Variants in CALN1 observed in about 807,000 individuals in gnomAD.
CALN1 encodes calneuron 1.
A neutral mutation model predicts 30.6 loss-of-function variants in CALN1; 17 were observed. The ratio of observed to expected loss-of-function variants is 0.56; its 90% CI spans 0.38 to 0.83. CALN1 has a LOEUF of 0.83. Among genes scored for constraint, CALN1 ranks in the 40% least tolerant of loss-of-function variants. CALN1 has a pLI of 0.00. For missense variants in CALN1, 291 were observed against 354.9 expected, an observed-to-expected ratio of 0.82 and a Z score of 1.45; for synonymous variants, 156 against 131.4, an observed-to-expected ratio of 1.19 and a Z score of -1.28.
chr7:72,284,390 C>T (rs1797935123), intron 2 of CALN1, among the ~76,000 whole-genome samples: 1 of 152,214 alleles, frequency 6.6e-6, no homozygotes, highest in Admixed American at 6.5e-5. Flanking sequence ...GTCAACTTGA[C>T]TGGGCCATGG....
At chr7:72,475,921 C>G in the CALN1 span, among the ~76,000 whole-genome samples, 3 of 144,822 alleles carry the variant, frequency 2.1e-5, no homozygotes, top group Admixed American at 2.1e-4. Context: ...TGAACATGCT[C>G]TCTCTCTCCC....
intron 3 of CALN1, among the ~76,000 whole-genome samples, chr7:72,239,127 T>C (rs1001424423): frequency 1.3e-5 from 2 of 152,148 alleles, no homozygotes; most frequent in South Asian, 4.2e-4. Context: ...CTGGGAAAAG[T>C]GGCTCATGCC....
At chr7:72,007,126 G>A (rs1799812547) in intron 5 of CALN1, among the ~76,000 whole-genome samples, 1 of 152,164 alleles carries the variant, frequency 6.6e-6, no homozygotes, top group Non-Finnish European at 1.5e-5. Flanking sequence ...GACCAGGACT[G>A]TTCGGAATAA....
intron 3 of CALN1, among the ~76,000 whole-genome samples, chr7:72,254,231 T>A (rs566924760): frequency 6.6e-6 from 1 of 152,244 alleles, no homozygotes; most frequent in Non-Finnish European, 1.5e-5. Context: ...AAGTCTTTCC[T>A]GTTGGATTTC....
At chr7:72,413,201 T>TCACA (rs59261666), upstream of CALN1, among the ~76,000 whole-genome samples, 8,532 of 151,154 alleles carry the variant, frequency 0.056, 269 homozygotes, top group African/African-American at 0.093. Flanking sequence ...GCCCACCCAC[T>TCACA]CACACACACA....
intron 3 of CALN1, among the ~76,000 whole-genome samples, chr7:72,182,633 T>C (rs1353922038): frequency 6.6e-6 from 1 of 151,742 alleles, no homozygotes; most frequent in Non-Finnish European, 1.5e-5. Context: ...GGCGGGAGAA[T>C]GGCTTGAACC....
At chr7:72,078,718 C>T (rs1804917486) in intron 4 of CALN1, among the ~76,000 whole-genome samples, 1 of 152,110 alleles carries the variant, frequency 6.6e-6, no homozygotes, top group South Asian at 2.1e-4. Flanking sequence ...GGCAGACCAC[C>T]TGAGGTCAGG....
At chr7:71,929,501 T>C (rs1308898195) in intron 5 of CALN1, among the ~76,000 whole-genome samples, 1 of 152,244 alleles carries the variant, frequency 6.6e-6, no homozygotes, top group Non-Finnish European at 1.5e-5. Flanking sequence ...TATTCCATGG[T>C]GTATATGTAC....
chr7:72,105,670 T>C (rs1368728805), intron 4 of CALN1, among the ~76,000 whole-genome samples: 1 of 151,134 alleles, frequency 6.6e-6, no homozygotes, highest in Non-Finnish European at 1.5e-5. Context: ...AATTGTGCAC[T>C]TTAAATGTGT....
At chr7:72,149,741 CA>C (rs1787072739) in intron 3 of CALN1, among the ~76,000 whole-genome samples, 1 of 152,076 alleles carries the variant, frequency 6.6e-6, no homozygotes, top group African/African-American at 2.4e-5. Flanking sequence ...TTCTCTTTTG[CA>C]AAAACTCATT....
chr7:72,091,177 A>G (rs1483321252), intron 4 of CALN1, among the ~76,000 whole-genome samples: 1 of 152,106 alleles, frequency 6.6e-6, no homozygotes, highest in East Asian at 1.9e-4. Context: ...AAAAATACAA[A>G]AAAAATTAGC....
At chr7:71,899,785 T>C (rs1034006344) in intron 5 of CALN1, among the ~76,000 whole-genome samples, 5 of 152,156 alleles carry the variant, frequency 3.3e-5, no homozygotes, top group African/African-American at 1.2e-4. Context: ...AATGTCACCA[T>C]ATGGATGCAT....
chr7:72,324,929 G>C (rs1051107806), intron 2 of CALN1, among the ~76,000 whole-genome samples: 2 of 152,164 alleles, frequency 1.3e-5, no homozygotes, highest in Non-Finnish European at 2.9e-5. Context: ...GTTCCAGGGA[G>C]TTCTGTGCTG....
intron 5 of CALN1, among the ~76,000 whole-genome samples, chr7:71,905,631 T>C (rs1794092594): frequency 6.6e-6 from 1 of 152,022 alleles, no homozygotes; most frequent in African/African-American, 2.4e-5. Flanking sequence ...ACATACGCAC[T>C]CCATAGAGTG....
At chr7:72,159,279 T>C (rs895203003) in intron 3 of CALN1, among the ~76,000 whole-genome samples, 1 of 152,176 alleles carries the variant, frequency 6.6e-6, no homozygotes, top group Non-Finnish European at 1.5e-5. Context: ...GCTAGGACAC[T>C]TGTGGTAGAG....
At chr7:72,411,770 A>G (rs1807166776) in intron 1 of CALN1, among the ~76,000 whole-genome samples, 1 of 152,118 alleles carries the variant, frequency 6.6e-6, no homozygotes, top group Non-Finnish European at 1.5e-5. Flanking sequence ...CATGAATGTA[A>G]TTGCTAAGGA....
At chr7:72,068,803 G>T (rs1804199519) in intron 4 of CALN1, among the ~76,000 whole-genome samples, 1 of 152,054 alleles carries the variant, frequency 6.6e-6, no homozygotes, top group African/African-American at 2.4e-5. Context: ...GCCTCATTTT[G>T]CATATTTTTT....
At chr7:72,307,672 CT>C (rs1008132197) in intron 2 of CALN1, among the ~76,000 whole-genome samples, 3 of 152,198 alleles carry the variant, frequency 2.0e-5, no homozygotes, top group Non-Finnish European at 4.4e-5. Flanking sequence ...GGCTGAGCCT[CT>C]GGTGCAGATG....
the CALN1 span, among the ~76,000 whole-genome samples, chr7:72,497,017 T>C: frequency 6.6e-6 from 1 of 152,208 alleles, no homozygotes; most frequent in Non-Finnish European, 1.5e-5. Context: ...AAGTACGCTC[T>C]CAAATCCTTG....
Sources: allele counts gnomAD v4.1 joint callset (sites outside exome capture counted in the v4.1 genomes callset), GRCh38; gene constraint gnomAD v4.1.1; transcripts MANE v1.5; gene names NCBI Gene and HGNC (gene_info 2026-07-23, HGNC 2026-07-21).